The following CHM variants were observed in gnomAD, a reference collection of about 807,000 sequenced individuals.
CHM encodes the protein CHM Rab escort protein.
In CHM, 10 loss-of-function variants were observed where a neutral mutation model predicts 49.0. The observed-to-expected ratio is 0.20, with a 90% CI of 0.13 to 0.35. The LOEUF is 0.35. Among genes scored for constraint, CHM ranks in the 10% least tolerant of loss-of-function variants. CHM has a pLI of 1.00. For missense variants in CHM, 455 were observed against 478.4 expected (o/e 0.95, Z 0.46); for synonymous variants, 184 against 167.5 (o/e 1.10, Z -0.76).
chrX:86,036,660 T>C (rs1934257334), intron 1 of CHM, among the ~76,000 whole-genome samples: 1 of 112,210 alleles, frequency 8.9e-6, no homozygotes, highest in Non-Finnish European at 1.9e-5. Context: ...CAAGGAAATA[T>C]ATTTTGGGGC....
intron 2 of CHM, among the ~76,000 whole-genome samples, chrX:85,986,823 G>T (rs1411375813): frequency 9.0e-6 from 1 of 111,675 alleles, no homozygotes. Context: ...AGGCTAAGCC[G>T]CCTGAAATGA....
intron 14 of CHM, among the ~76,000 whole-genome samples, chrX:85,865,029 T>A (rs1157540519): frequency 8.9e-6 from 1 of 111,840 alleles, no homozygotes; most frequent in African/African-American, 3.2e-5. Flanking sequence ...TGTATTGAGG[T>A]CCACTCTTCA....
At chrX:85,937,281 AC>A (rs1344098064) in intron 8 of CHM, among the ~76,000 whole-genome samples, 9 of 108,552 alleles carry the variant, frequency 8.3e-5, no homozygotes, top group Non-Finnish European at 1.5e-4. Flanking sequence ...AAAAAAAAAA[AC>A]AGTCTGTGTA....
At chrX:85,971,460 T>TA in intron 4 of CHM, 1 of 178,451 alleles carries the variant, frequency 5.6e-6, no homozygotes, top group Non-Finnish European at 1.1e-5. Context: ...CGGTGAATGT[T>TA]ACAGCTCTTA....
Position 85,975,208 on chromosome X carries a change from A to G in CHM, c.314+3559T>C, listed in dbSNP as rs770815989. On this transcript the variant is annotated intron_variant, in intron 4 of 14. Transcript: ENST00000357749. The stretch of plus-strand genomic sequence containing the variant: ...ATTTCTGGTGGGAATGTAAAATAGT[A>G]CAGCTCCTCTGAAACAGCTCTGCAG... Among the ~76,000 whole-genome samples the G allele has an allele frequency of 2.9e-3, 325 of 112,314 alleles. 1 individual carries two copies. The highest frequency in any genetic ancestry group is 9.7e-3 in the African/African-American group (300 of 31,014).
chrX:85,927,055 A>C (rs1928130394), intron 8 of CHM, among the ~76,000 whole-genome samples: 1 of 111,694 alleles, frequency 9.0e-6, no homozygotes, highest in Non-Finnish European at 1.9e-5. Flanking sequence ...CCTGTGTCTG[A>C]CTACTGACCA....
intron 2 of CHM, among the ~76,000 whole-genome samples, chrX:86,008,022 G>T (rs971706685): frequency 8.0e-5 from 9 of 111,925 alleles, no homozygotes; most frequent in African/African-American, 2.6e-4. Flanking sequence ...GTCCAACAAT[G>T]ACAGACTGGA....
chrX:85,950,009 A>ATATATATATATATATC (rs1569422903), intron 8 of CHM, among the ~76,000 whole-genome samples: 2 of 81,299 alleles, frequency 2.5e-5, no homozygotes, highest in Admixed American at 1.4e-4. Flanking sequence ...ATATATATAT[A>ATATATATATATATATC]TCTTGTAATG....
At chrX:85,995,822 C>T (rs936782519) in intron 2 of CHM, among the ~76,000 whole-genome samples, 2 of 111,651 alleles carry the variant, frequency 1.8e-5, no homozygotes, top group African/African-American at 6.5e-5. Context: ...AAATGACAAT[C>T]ACTTTCATTC....
chrX:85,869,763 G>A (rs146114769), intron 14 of CHM, among the ~76,000 whole-genome samples: 194 of 111,995 alleles, frequency 1.7e-3, no homozygotes, highest in African/African-American at 6.0e-3. Flanking sequence ...CAGAATAGTT[G>A]ATTGGCAACT....
chrX:85,996,376 C>T (rs1330143446), intron 2 of CHM, among the ~76,000 whole-genome samples: 3 of 111,747 alleles, frequency 2.7e-5, no homozygotes, highest in African/African-American at 3.3e-5. Context: ...ATTGACTTGA[C>T]GAATATAGAT....
intron 2 of CHM, among the ~76,000 whole-genome samples, chrX:85,999,825 A>G (rs1207286166): frequency 8.9e-6 from 1 of 112,127 alleles, no homozygotes; most frequent in Non-Finnish European, 1.9e-5. Context: ...AGTTAACTTT[A>G]GTTTAAAATA....
At position 86,025,160 on chromosome X, in the gene CHM, T is replaced by A. The variant is rs754326507; in HGVS notation, c.116+2331A>T. ...CTAAACTTTCAAAAGCCACCAAGTCTGAGGATGTACAAGAGAAGAAGAAAA... is the reference window on the plus strand; with the variant it reads ...CTAAACTTTCAAAAGCCACCAAGTCAGAGGATGTACAAGAGAAGAAGAAAA... On this transcript the variant is annotated intron_variant, in intron 2 of 14. Coordinates refer to ENST00000357749, the MANE Select transcript of CHM (RefSeq NM_000390.4). 2.0e-3 allele frequency among the ~76,000 whole-genome samples: 220 copies of A among 111,610 alleles called. 3 individuals are homozygous for A. Among genetic ancestry groups the A allele is most frequent in the Non-Finnish European group, 3.1e-3 (165 of 53,076 alleles).
Position 86,005,722 on chromosome X carries a change from G to C in CHM, c.116+21769C>G, listed in dbSNP as rs745706236. Among the ~76,000 whole-genome samples the C allele has an allele frequency of 1.1e-4, 12 of 111,622 alleles. No homozygotes were observed. The East Asian group carries it at 2.0e-3, about 18-fold the overall frequency. Reference sequence around the variant, plus strand: ...CTCAAGACTAAACCGGGAAGAAGTTGAATCTCTGAATAGACCAATAACAGG... The same window carrying C: ...CTCAAGACTAAACCGGGAAGAAGTTCAATCTCTGAATAGACCAATAACAGG... On this transcript the variant is annotated intron_variant, in intron 2 of 14. Transcript: ENST00000357749.
intron 8 of CHM, among the ~76,000 whole-genome samples, chrX:85,916,098 G>A (rs1927436486): frequency 9.0e-6 from 1 of 111,435 alleles, no homozygotes; most frequent in African/African-American, 3.3e-5. Context: ...TACAAAAACA[G>A]ACACATAGAC....
intron 14 of CHM, among the ~76,000 whole-genome samples, chrX:85,866,770 T>C (rs1486147331): frequency 8.9e-6 from 1 of 112,887 alleles, no homozygotes; most frequent in Non-Finnish European, 1.9e-5. Flanking sequence ...CAAAGGAGAT[T>C]TTGGAGCTTT....
rs932658019 is a variant in CHM at position 85,959,082 on chromosome X, A to G, written c.703-105T>C. 26 of 918,903 alleles carry G rather than the reference A, an allele frequency of 2.8e-5. No homozygotes were observed. In the African/African-American group the frequency reaches 4.6e-4, roughly 16 times the overall value. 75.7% of individuals were successfully genotyped at this position (918,903 alleles called of 1,213,427 possible). A position where few individuals can be genotyped will look rare whatever the true frequency, so the allele number is the denominator to read the frequency against. ...TATATTTTTTATTATTTGTAGAAAC[A>G]ATCATACCTATAAATATTATAATAC... On this transcript the variant is annotated intron_variant, in intron 5 of 14. Coordinates refer to ENST00000357749, the MANE Select transcript of CHM (RefSeq NM_000390.4).
chrX:85,970,925 A>G (rs1232257186), intron 4 of CHM: 8 of 728,876 alleles, frequency 1.1e-5, no homozygotes, highest in Non-Finnish European at 1.3e-5. Context: ...AATTACTACA[A>G]TTTACATTTT....
chrX:85,943,758 A>C (rs17318268), intron 8 of CHM, among the ~76,000 whole-genome samples: 19,003 of 111,604 alleles, frequency 0.17, 1,551 homozygotes, highest in Middle Eastern at 0.25. Flanking sequence ...AAAATATAAT[A>C]GGTGAGTCAA....
Sources: gnomAD v4.1 joint callset for allele counts (sites outside exome capture counted in the v4.1 genomes callset) on GRCh38, gnomAD v4.1.1 for gene constraint, MANE v1.5 for transcripts, NCBI Gene and HGNC (gene_info 2026-07-23, HGNC 2026-07-21) for gene names.